Variants in EIF3H observed in about 807,000 individuals in gnomAD.
The protein encoded by EIF3H is eIF-3-gamma.
A neutral mutation model predicts 44.2 loss-of-function variants in EIF3H; 26 were observed. The ratio of observed to expected loss-of-function variants is 0.59; its 90% confidence interval spans 0.43 to 0.82. EIF3H has a LOEUF of 0.82. Ranked by LOEUF, EIF3H falls within the 40% of genes least tolerant of loss-of-function variation. EIF3H has a pLI of 0.00. For missense variants in EIF3H, 359 were observed against 432.8 expected (o/e 0.83, Z 1.51); for synonymous variants, 166 against 151.9 (o/e 1.09, Z -0.68).
chr8:116,724,572 T>A (rs1277818070), intron 2 of EIF3H, among the ~76,000 whole-genome samples: 3 of 151,906 alleles, frequency 2.0e-5, no homozygotes, highest in African/African-American at 4.8e-5. Context: ...GAGGTTAATA[T>A]CCATAACTCC....
chr8:116,703,515 C>T (rs1814415307), intron 2 of EIF3H, among the ~76,000 whole-genome samples: 1 of 152,242 alleles, frequency 6.6e-6, no homozygotes, highest in African/African-American at 2.4e-5. Context: ...ATGTTCCACT[C>T]TGTACACCTG....
chr8:116,731,427 GT>G (rs1289526421), intron 1 of EIF3H, among the ~76,000 whole-genome samples: 1 of 152,176 alleles, frequency 6.6e-6, no homozygotes, highest in Non-Finnish European at 1.5e-5. Flanking sequence ...TTCTAATGAA[GT>G]TGTATGGCCT....
intron 2 of EIF3H, among the ~76,000 whole-genome samples, chr8:116,700,371 G>A (rs72683604): frequency 0.025 from 3,862 of 152,124 alleles, 131 homozygotes; most frequent in Admixed American, 0.096. Flanking sequence ...ACACAAATTC[G>A]TAAACTTTCT....
At chr8:116,732,356 A>G (rs201017575) in intron 1 of EIF3H, among the ~76,000 whole-genome samples, 14 of 152,238 alleles carry the variant, frequency 9.2e-5, no homozygotes, top group Non-Finnish European at 1.8e-4. Context: ...AAATAACATT[A>G]TAAGTCAATA....
chr8:116,719,997 T>C (rs902334666), intron 2 of EIF3H, among the ~76,000 whole-genome samples: 3 of 152,218 alleles, frequency 2.0e-5, no homozygotes, highest in Non-Finnish European at 4.4e-5. Flanking sequence ...TTTCAGTCCC[T>C]GTATTACCAA....
At position 116,743,799 on chromosome 8, in the gene EIF3H, A is replaced by AAC. The variant is rs368555154; in HGVS notation, c.132+11865_132+11866dup. On this transcript the variant is annotated intron_variant, in intron 1 of 7. Transcript: ENST00000521861. ...ATATATATATATATATATATATATA[A>AAC]ACACACACACACACACACACACACA... 1.0e-4 allele frequency among the ~76,000 whole-genome samples: 9 copies of AAC among 87,072 alleles called. No individual in the cohort carries two copies. The East Asian group carries it at 3.2e-3, about 31-fold the overall frequency. The allele number at this position is 87,072 out of a possible 152,430, so 57.1% of individuals were successfully genotyped here.
intron 2 of EIF3H, among the ~76,000 whole-genome samples, chr8:116,724,306 T>A (rs1405154404): frequency 6.6e-6 from 1 of 152,026 alleles, no homozygotes. Flanking sequence ...AAAGATTAAT[T>A]CAAAATGGAT....
At chr8:116,707,979 A>G (rs1384417359) in intron 2 of EIF3H, among the ~76,000 whole-genome samples, 5 of 152,146 alleles carry the variant, frequency 3.3e-5, no homozygotes, top group Non-Finnish European at 7.4e-5. Context: ...GTCAGTCACG[A>G]ATTTCTAAAA....
chr8:116,733,148 T>C (rs906633819), intron 1 of EIF3H, among the ~76,000 whole-genome samples: 2 of 152,160 alleles, frequency 1.3e-5, no homozygotes, highest in Non-Finnish European at 2.9e-5. Context: ...CATTTATCAC[T>C]TTATTATAAA....
intron 1 of EIF3H, among the ~76,000 whole-genome samples, chr8:116,746,715 A>G (rs1269671812): frequency 2.0e-5 from 3 of 152,252 alleles, no homozygotes; most frequent in Non-Finnish European, 4.4e-5. Context: ...TTTCTATTAT[A>G]AAAAGTTACT....
At chr8:116,686,674 GGGTACA>G (rs1271446867) in intron 2 of EIF3H, among the ~76,000 whole-genome samples, 1 of 151,906 alleles carries the variant, frequency 6.6e-6, no homozygotes, top group Non-Finnish European at 1.5e-5. Context: ...ACAGGTTGTA[GGGTACA>G]GAATTAATGC....
At chr8:116,758,890 T>C (rs928849197), upstream of EIF3H, among the ~76,000 whole-genome samples, 1 of 152,140 alleles carries the variant, frequency 6.6e-6, no homozygotes, top group African/African-American at 2.4e-5. Flanking sequence ...GAGAAAGAAG[T>C]TTATAGCTAA....
intron 2 of EIF3H, among the ~76,000 whole-genome samples, chr8:116,716,924 T>A (rs538033688): frequency 2.3e-3 from 352 of 152,194 alleles, no homozygotes; most frequent in Non-Finnish European, 3.6e-3. Context: ...TCATTAAAAT[T>A]ATGAAATATT....
At chr8:116,729,034 C>G (rs1814906206) in intron 1 of EIF3H, among the ~76,000 whole-genome samples, 1 of 152,126 alleles carries the variant, frequency 6.6e-6, no homozygotes, top group Non-Finnish European at 1.5e-5. Context: ...AGAACAAATA[C>G]AGGTGATCAA....
chr8:116,752,059 GA>G (rs1815353216), intron 1 of EIF3H, among the ~76,000 whole-genome samples: 1 of 152,162 alleles, frequency 6.6e-6, no homozygotes, highest in Non-Finnish European at 1.5e-5. Context: ...AACATAAAAG[GA>G]AAGGAGTAAG....
At chr8:116,655,112 A>C (rs1425360252) in intron 5 of EIF3H, among the ~76,000 whole-genome samples, 5 of 151,954 alleles carry the variant, frequency 3.3e-5, no homozygotes, top group Non-Finnish European at 7.4e-5. Flanking sequence ...ATAATCACTA[A>C]CATAACGCTC....
intron 2 of EIF3H, among the ~76,000 whole-genome samples, chr8:116,722,704 T>C (rs1336079910): frequency 6.6e-6 from 1 of 152,166 alleles, no homozygotes; most frequent in Non-Finnish European, 1.5e-5. Context: ...AACCAAAGAA[T>C]TGAGGTTTTG....
chr8:116,763,569 G>A (rs1031088412), intron 1 of EIF3H, among the ~76,000 whole-genome samples: 1 of 152,058 alleles, frequency 6.6e-6, no homozygotes, highest in African/African-American at 2.4e-5. Flanking sequence ...TTCCATGATG[G>A]AGCCTATCCT....
intron 2 of EIF3H, among the ~76,000 whole-genome samples, chr8:116,686,900 C>G (rs139932405): frequency 2.0e-5 from 3 of 152,138 alleles, no homozygotes; most frequent in South Asian, 2.1e-4. Flanking sequence ...CAATCTTATA[C>G]TATATATAGG....
Sources: allele counts gnomAD v4.1 joint callset (sites outside exome capture counted in the v4.1 genomes callset), GRCh38; gene constraint gnomAD v4.1.1; transcripts MANE v1.5; gene names NCBI Gene and HGNC (gene_info 2026-07-23, HGNC 2026-07-21).